The following LILRB1 variants were observed in gnomAD, a reference collection of about 807,000 sequenced individuals.
LILRB1 encodes the protein leukocyte immunoglobulin-like receptor subfamily B member 1.
Under a neutral mutation model 74.6 loss-of-function variants are expected in LILRB1, and 59 were observed. The ratio of observed to expected loss-of-function variants is 0.79; its 90% CI spans 0.64 to 0.98. The LOEUF (loss-of-function observed/expected upper bound fraction) is 0.98, where lower values mean the gene tolerates loss of function less well. Ranked by LOEUF, LILRB1 falls within the 50% of genes least tolerant of loss-of-function variation. The pLI is 0.00. For missense variants in LILRB1, 804 were observed against 822.6 expected, an observed-to-expected ratio of 0.98 and a Z score of 0.28; for synonymous variants, 328 against 333.9, an observed-to-expected ratio of 0.98 and a Z score of 0.19.
chr19:54,626,202 G>A (rs12972210), upstream of LILRB1, among the ~76,000 whole-genome samples: 5,408 of 152,246 alleles, frequency 0.036, 123 homozygotes, highest in Middle Eastern at 0.099. Flanking sequence ...TTACTCTTGG[G>A]AAATCCGGTC....
chr19:54,622,560 C>T (rs1037319586), intron 1 of LILRB1, among the ~76,000 whole-genome samples: 6 of 152,202 alleles, frequency 3.9e-5, no homozygotes, highest in Non-Finnish European at 8.8e-5. Flanking sequence ...ACCAAGTCTA[C>T]GAGTCTTCTG....
upstream of LILRB1, among the ~76,000 whole-genome samples, chr19:54,626,942 G>A (rs1230438956): frequency 2.1e-4 from 32 of 151,608 alleles, no homozygotes; most frequent in South Asian, 4.3e-3. Context: ...TGGTCCAGCA[G>A]TGATAAAGCG....
intron 1 of LILRB1, among the ~76,000 whole-genome samples, chr19:54,619,801 T>A (rs2063405781): frequency 1.3e-5 from 2 of 152,194 alleles, no homozygotes; most frequent in South Asian, 4.1e-4. Flanking sequence ...TCATCAGTTG[T>A]CTTTTTTAAA....
rs202014540 is a variant in LILRB1 at position 54,636,884 on chromosome 19, G to C, written c.*6G>C. 72 of 1,613,590 alleles carry C rather than the reference G, an allele frequency of 4.5e-5. No individual in the cohort carries two copies. Among genetic ancestry groups the C allele is most frequent in the East Asian group, 3.8e-4 (17 of 44,842 alleles). ...CCACTCTGGCCATCCACTAGCCCAGGGGGGGACGCAGACCCCACACTCCAT... is the reference window on the plus strand; with the variant it reads ...CCACTCTGGCCATCCACTAGCCCAGCGGGGGACGCAGACCCCACACTCCAT... On this transcript the variant is annotated 3_prime_UTR_variant, in exon 15 of 15. Coordinates refer to ENST00000324602, the MANE Select transcript of LILRB1 (RefSeq NM_001081637.3).
chr19:54,634,174 TGC>T (rs2064178320), intron 9 of LILRB1, 153 bp downstream of exon 9: 3 of 1,507,940 alleles, frequency 2.0e-6, no homozygotes, highest in Non-Finnish European at 2.7e-6. Context: ...GTGAGAGGCC[TGC>T]GGGTGGGAAA....
chr19:54,634,409 C>G, intron 9 of LILRB1: 1 of 1,530,290 alleles, frequency 6.5e-7, no homozygotes, highest in Non-Finnish European at 8.9e-7. Flanking sequence ...GCAGGTCAGA[C>G]TCCTGGGCTT....
At chr19:54,624,211 T>C (rs2063521956) in intron 1 of LILRB1, among the ~76,000 whole-genome samples, 1 of 152,184 alleles carries the variant, frequency 6.6e-6, no homozygotes, top group African/African-American at 2.4e-5. Flanking sequence ...CTGATGGACA[T>C]GGCTGGAGCA....
chr19:54,632,379 G>A lies in LILRB1; in HGVS notation c.662-85G>A, dbSNP rs577638726. 9.4e-5 allele frequency: 146 copies of A among 1,549,298 alleles called. No individual in the cohort carries two copies. The East Asian group carries it at 3.2e-3, about 34-fold the overall frequency. ...TGGGGCCAGAGACACAGGAAGATCA[G>A]CAGTGATGTGGCCCCGGGGGAAAGG... On this transcript the variant is annotated intron_variant, in intron 5 of 14. Transcript: ENST00000324602.
upstream of LILRB1, among the ~76,000 whole-genome samples, chr19:54,625,786 A>T (rs2063567754): frequency 7.2e-6 from 1 of 139,298 alleles, no homozygotes; most frequent in African/African-American, 2.8e-5. Context: ...TCTCTCACTC[A>T]CTCACCCCTT....
chr19:54,636,584 C>T lies in LILRB1; in HGVS notation c.1744C>T (p.Pro582Ser), dbSNP rs995680547. ...GAGAGAAATGGCCTCTCCTCCTTCC[C>T]CACTGTCTGGGGAATTCCTGGACAC... ...PRREMASPPS[P>S]LSGEFLDTKD... Residue 582 changes from proline (P) to serine (S), a missense_variant, in exon 14 of 15, where the codon CCA becomes TCA. Transcript: ENST00000324602. 34 of 1,610,438 alleles carry T rather than the reference C, an allele frequency of 2.1e-5. No homozygotes were observed. The highest frequency in any genetic ancestry group is 1.3e-4 in the South Asian group (12 of 90,918).
rs1204122640 is a variant in LILRB1 at position 54,637,713 on chromosome 19, C to G, written c.*835C>G. 2.0e-5 allele frequency among the ~76,000 whole-genome samples: 3 copies of G among 152,108 alleles called. No individual in the cohort carries two copies. Among genetic ancestry groups the G allele is most frequent in the Non-Finnish European group, 2.9e-5 (2 of 68,036 alleles). ...CTCATTCTTGAAAACATGAATCACA[C>G]TCATGAATTCTAACTACAATGAAAA... On this transcript the variant is annotated 3_prime_UTR_variant, in exon 15 of 15. Transcript: ENST00000324602.
At chr19:54,634,369 G>C in intron 9 of LILRB1, 1 of 1,539,134 alleles carries the variant, frequency 6.5e-7, no homozygotes, top group Non-Finnish European at 8.8e-7. Flanking sequence ...TGCAGCTCCG[G>C]GGCTCGGCTC....
chr19:54,630,979 C>T lies in LILRB1; in HGVS notation c.-48-47C>T, dbSNP rs1222091999. 2.5e-6 allele frequency: 4 copies of T among 1,613,758 alleles called. No individual in the cohort carries two copies. The South Asian group carries it at 3.3e-5, about 13-fold the overall frequency. The stretch of plus-strand genomic sequence containing the variant: ...TGACAGCACCCCATGAGAAGAAGGA[C>T]CCAGCCTCCGATTGGCCACACTCTG... On this transcript the variant is annotated intron_variant, in intron 1 of 14. Transcript: ENST00000324602.
chr19:54,637,730 C>A lies in LILRB1; in HGVS notation c.*852C>A, dbSNP rs2146314216. Among the ~76,000 whole-genome samples, 1 of 152,106 alleles carries A rather than the reference C, an allele frequency of 6.6e-6. No individual in the cohort carries two copies. The highest frequency in any genetic ancestry group is 2.4e-5 in the African/African-American group (1 of 41,494). ...GAATCACACTCATGAATTCTAACTA[C>A]AATGAAAAAGAGAAAGAAAGAGCAG... On this transcript the variant is annotated 3_prime_UTR_variant, in exon 15 of 15. Coordinates refer to ENST00000324602, the MANE Select transcript of LILRB1 (RefSeq NM_001081637.3).
chr19:54,628,862 G>A (rs1265598143), upstream of LILRB1, among the ~76,000 whole-genome samples: 1 of 152,196 alleles, frequency 6.6e-6, no homozygotes, highest in Non-Finnish European at 1.5e-5. Context: ...AGGAAGGGCA[G>A]GAGGAGGTCA....
chr19:54,633,651 C>T lies in LILRB1; in HGVS notation c.1275C>T (p.Gly425=), dbSNP rs1367826774. 4.3e-6 allele frequency: 7 copies of T among 1,613,256 alleles called. No individual in the cohort carries two copies. The highest frequency in any genetic ancestry group is 2.2e-5 in the South Asian group (2 of 91,010). ...LELVVSGPSG[G]PSSPTTGPTS... ...TCTTTTACCCAGGACCGTCTGGGGG[C>T]CCCAGCTCCCCGACAACAGGCCCCA... Residue 425 remains glycine, a synonymous_variant, in exon 8 of 15, where the codon GGC becomes GGT. Coordinates refer to ENST00000324602, the MANE Select transcript of LILRB1 (RefSeq NM_001081637.3).
rs116287498 is a variant in LILRB1 at position 54,635,372 on chromosome 19, C to T, written c.1600+76C>T. ...GTTTCCGTAGCAATGGGGAAAGGGG[C>T]GCTGGCTGGAAAGGGTCTGGGGCTC... is the stretch of plus-strand genomic sequence containing the variant. On this transcript the variant is annotated intron_variant, in intron 12 of 14. Transcript: ENST00000324602. 3.0e-3 allele frequency: 4,806 copies of T among 1,584,678 alleles called. 124 individuals are homozygous for T. The African/African-American group carries it at 0.054, about 18-fold the overall frequency.
Position 54,633,631 on chromosome 19 carries a change from T to C in LILRB1, c.1262-7T>C, listed in dbSNP as rs373007306. On this transcript the variant is annotated splice_polypyrimidine_tract_variant and splice_region_variant and intron_variant, in intron 7 of 14. Coordinates refer to ENST00000324602, the MANE Select transcript of LILRB1 (RefSeq NM_001081637.3). ...GCTCCTCAGCCTCCTCTCATTCTTT[T>C]ACCCAGGACCGTCTGGGGGCCCCAG... The C allele has an allele frequency of 2.0e-5, 33 of 1,612,620 alleles. No individual in the cohort carries two copies. In the South Asian group the frequency reaches 3.1e-4, roughly 15 times the overall value.
chr19:54,627,943 T>G (rs1006470329), upstream of LILRB1, among the ~76,000 whole-genome samples: 1 of 152,198 alleles, frequency 6.6e-6, no homozygotes, highest in Middle Eastern at 3.2e-3. Context: ...GCAAGACCAT[T>G]TTTATTTTCT....
Sources: allele counts gnomAD v4.1 joint callset (sites outside exome capture counted in the v4.1 genomes callset), GRCh38; gene constraint gnomAD v4.1.1; transcripts MANE v1.5; gene names NCBI Gene and HGNC (gene_info 2026-07-23, HGNC 2026-07-21).